The following ESS2 variants were observed in gnomAD, a reference collection of about 807,000 sequenced individuals.
ESS2 encodes the protein ess-2 spliceosome associated protein, also known as splicing factor ESS-2 homolog.
Under a neutral mutation model 52.0 loss-of-function variants are expected in ESS2, and 31 were observed. The observed-to-expected ratio is 0.60, with a 90% CI of 0.45 to 0.81. ESS2 has a LOEUF of 0.81. Among genes scored for constraint, ESS2 ranks in the 30% least tolerant of loss-of-function variants. The pLI is 0.00. For missense variants in ESS2, 602 were observed against 637.2 expected, an observed-to-expected ratio of 0.94 and a Z score of 0.59; for synonymous variants, 285 against 259.2, an observed-to-expected ratio of 1.10 and a Z score of -0.95.
In ESS2 at chr22:19,132,284, T is replaced by C; in HGVS notation, c.*1912A>G. 6.2e-7 allele frequency: 1 copy of C among 1,613,422 alleles called. No homozygotes were observed. Among genetic ancestry groups the C allele is most frequent in the Non-Finnish European group, 8.5e-7 (1 of 1,179,932 alleles). On this transcript the variant is annotated 3_prime_UTR_variant, in exon 10 of 10. Transcript: ENST00000252137. This position sits in a 1 kb window ranked among gnomAD's most constrained non-coding sequence, Gnocchi z 4.2. ...GGGAGGGGGAGGGCAAGTACCGCGC[T>C]GAGTGCAAACTGGACACCAAGACAG...
At chr22:19,137,852 C>T in intron 7 of ESS2, 1 of 985,430 alleles carries the variant, frequency 1.0e-6, no homozygotes, top group Non-Finnish European at 1.2e-6. Context: ...GCCACAAGAC[C>T]ACCTGAGTTT....
rs2083657352 is a variant in ESS2 at position 19,140,001 on chromosome 22, T to C, written c.424A>G (p.Lys142Glu). The C allele has an allele frequency of 1.9e-6, 3 of 1,613,666 alleles. No individual in the cohort carries two copies. The highest frequency in any genetic ancestry group is 1.3e-5 in the African/African-American group (1 of 74,912). ...EDGEAGEEEE[K>E]EPLPSLDVFL... ...ACATCTAGGCTGGGCAGCGGCTCCT[T>C]CTCCTCCTCCTCTCCAGCCTCTCCT... The change falls in exon 4 of 10, where the codon AAG becomes GAG. Residue 142 changes from lysine to glutamate, a missense_variant. By Grantham distance (56) the Lys-to-Glu change is moderately conservative (BLOSUM62 1). Coordinates refer to ENST00000252137, the MANE Select transcript of ESS2 (RefSeq NM_022719.3).
In ESS2 at chr22:19,142,609, G is replaced by C. The variant is rs764603196; in HGVS notation, c.329C>G (p.Thr110Ser). The change falls in exon 3 of 10, where the codon ACC becomes AGC. Residue 110 changes from threonine (T) to serine (S), a missense_variant. Coordinates refer to ENST00000252137, the MANE Select transcript of ESS2 (RefSeq NM_022719.3). ...PPYVTPATFE[T>S]PEVHAGTGVV... ...TCCAGTGCCTGCATGCACCTCAGGG[G>C]TTTCAAATGTGGCTGGAGTCACATC... 5 of 1,613,718 alleles carry C rather than the reference G, an allele frequency of 3.1e-6. No homozygotes were observed. In the South Asian group the frequency reaches 5.5e-5, roughly 18 times the overall value.
chr22:19,138,379 T>C, intron 6 of ESS2, 62 bp from the exon 7 acceptor site: 1 of 1,472,748 alleles, frequency 6.8e-7, no homozygotes, highest in Non-Finnish European at 9.4e-7. Context: ...AGCTGGCCGG[T>C]GGGCAAACAC....
At chr22:19,135,370 A>G (rs1049631530) in intron 8 of ESS2, among the ~76,000 whole-genome samples, 195 bp from the exon 9 acceptor site, 1 of 152,068 alleles carries the variant, frequency 6.6e-6, no homozygotes, top group Non-Finnish European at 1.5e-5. Context: ...AGCACTCCTC[A>G]CCTGTCTTCG....
At chr22:19,138,170 G>A (rs1391400153) in intron 7 of ESS2, 45 bp downstream of exon 7, 2 of 1,611,416 alleles carry the variant, frequency 1.2e-6, no homozygotes, top group Middle Eastern at 3.5e-4. Flanking sequence ...CCTCCCCCAG[G>A]GAGTCCCAGC....
chr22:19,131,431 G>A lies in ESS2; in HGVS notation c.*2765C>T. The A allele has an allele frequency of 6.2e-7, 1 of 1,613,022 alleles. No individual in the cohort carries two copies. Among genetic ancestry groups the A allele is most frequent in the Non-Finnish European group, 8.5e-7 (1 of 1,179,370 alleles). The stretch of plus-strand genomic sequence containing the variant: ...GATGCCACAGTCCTAAGGAAGAAGG[G>A]TTACATCGTAGGCATCAATCTTGGC... On this transcript the variant is annotated 3_prime_UTR_variant, in exon 10 of 10. Transcript: ENST00000252137. This position sits in a 1 kb window ranked among gnomAD's most constrained non-coding sequence, Gnocchi z 5.7.
chr22:19,144,217 C>T, intron 1 of ESS2: 1 of 1,187,502 alleles, frequency 8.4e-7, no homozygotes, highest in South Asian at 2.9e-5. Context: ...TGCCACCATC[C>T]TTCCAGTTTG....
chr22:19,143,202 C>CAAAAAAAA (rs10632625), intron 1 of ESS2, among the ~76,000 whole-genome samples: 14 of 112,846 alleles, frequency 1.2e-4, no homozygotes, highest in East Asian at 2.4e-4. Context: ...GAGACCGTCT[C>CAAAAAAAA]AAAAAAAAAA....
In ESS2 at chr22:19,131,381, G is replaced by C. The variant is rs367612676; in HGVS notation, c.*2815C>G. 1 of 1,566,840 alleles carries C rather than the reference G, an allele frequency of 6.4e-7. No homozygotes were observed. Reference sequence around the variant, plus strand: ...ACGGGGGGATGTAGACGGCAGCGGCGCCAGTCGCTCCTGGCACCATGGACG... The same window carrying C: ...ACGGGGGGATGTAGACGGCAGCGGCCCCAGTCGCTCCTGGCACCATGGACG... On this transcript the variant is annotated 3_prime_UTR_variant, in exon 10 of 10. Transcript: ENST00000252137. This position sits in a 1 kb window ranked among gnomAD's most constrained non-coding sequence, Gnocchi z 5.7.
Position 19,132,181 on chromosome 22 carries a change from TCCACATCGATGAGATCCTCAG to T in ESS2, c.*1994_*2014del. 1 of 1,612,936 alleles carries T rather than the reference TCCACATCGATGAGATCCTCAG, an allele frequency of 6.2e-7. No individual in the cohort carries two copies. The highest frequency in any genetic ancestry group is 1.1e-5 in the South Asian group (1 of 91,058). ...CTGCAGCCCGACGTCAGCCAGCGGC[TCCACATCGATGAGATCCTCAG>T]CCACTCGTGGCTGCAGCCCCCCAAG... On this transcript the variant is annotated 3_prime_UTR_variant, in exon 10 of 10. Transcript: ENST00000252137. The surrounding 1 kb of genome is among the most constrained non-coding windows in gnomAD (Gnocchi z 4.2).
At position 19,137,399 on chromosome 22, in the gene ESS2, T is replaced by C. The variant is rs1179182223; in HGVS notation, c.959A>G (p.Glu320Gly). 3 of 1,612,072 alleles carry C rather than the reference T, an allele frequency of 1.9e-6. No homozygotes were observed. Among genetic ancestry groups the C allele is most frequent in the East Asian group, 2.2e-5 (1 of 44,706 alleles). Residue 320 changes from glutamate to glycine, a missense_variant, in exon 8 of 10, where the codon GAG (glutamate) becomes GGG (glycine). Transcript: ENST00000252137. Reference protein sequence around the residue: ...VNESPMMTWGEVENTPLRVEG... With the variant: ...VNESPMMTWGGVENTPLRVEG... ...AACTCTCAAGGGTGTGTTCTCAACCTCCCCCCAGGTCATCATCGGGGACTC... is the reference window on the plus strand; with the variant it reads ...AACTCTCAAGGGTGTGTTCTCAACCCCCCCCCAGGTCATCATCGGGGACTC...
chr22:19,131,413 C>T lies in ESS2; in HGVS notation c.*2783G>A, dbSNP rs2083505018. On this transcript the variant is annotated 3_prime_UTR_variant, in exon 10 of 10. Transcript: ENST00000252137. The surrounding 1 kb of genome is among the most constrained non-coding windows in gnomAD (Gnocchi z 5.7). Reference sequence around the variant, plus strand: ...GCTCCTGGCACCATGGACGATGCCACAGTCCTAAGGAAGAAGGGTTACATC... The same window carrying T: ...GCTCCTGGCACCATGGACGATGCCATAGTCCTAAGGAAGAAGGGTTACATC... The T allele has an allele frequency of 6.2e-7, 1 of 1,602,790 alleles. No individual in the cohort carries two copies. Among genetic ancestry groups the T allele is most frequent in the Non-Finnish European group, 8.5e-7 (1 of 1,173,082 alleles).
rs1468552242 is a variant in ESS2, at chr22:19,134,330, T to C, written c.1297A>G (p.Ser433Gly). 9.9e-6 allele frequency: 16 copies of C among 1,610,832 alleles called. No homozygotes were observed. The highest frequency in any genetic ancestry group is 3.3e-4 in the Middle Eastern group (2 of 6,020). ...GTGCTTGTGGGGGTCTGCAGCCCAC[T>C]GGCCGGGGTCTTGAGGTGGGTGGAG... ...ARSTHLKTPA[S>G]GLQTPTSTPA... Residue 433 changes from serine to glycine, a missense_variant, in exon 10 of 10, where the codon AGT becomes GGT. By Grantham distance (56) the Ser-to-Gly change is moderately conservative. Coordinates refer to ENST00000252137, the MANE Select transcript of ESS2 (RefSeq NM_022719.3).
Position 19,134,063 on chromosome 22 carries a change from C to T in ESS2, c.*133G>A. ...AGTCTGGCCCCAGCACAGCCCCTTT[C>T]TCCAGTGACTCCTGGTATGGTCAAC... On this transcript the variant is annotated 3_prime_UTR_variant, in exon 10 of 10. Transcript: ENST00000252137. The T allele has an allele frequency of 1.8e-6, 2 of 1,130,694 alleles. No individual in the cohort carries two copies. Among genetic ancestry groups the T allele is most frequent in the Admixed American group, 3.9e-5 (1 of 25,634 alleles). 70.0% of individuals were successfully genotyped at this position (1,130,694 alleles called of 1,614,324 possible). A position where few individuals can be genotyped will look rare whatever the true frequency, so the allele number is the denominator to read the frequency against.
At position 19,134,199 on chromosome 22, in the gene ESS2, A is replaced by G; in HGVS notation, c.1428T>C (p.Phe476=). Residue 476 remains phenylalanine, a synonymous_variant, in exon 10 of 10, where the codon TTT becomes TTC. Transcript: ENST00000252137. Reference sequence around the variant, plus strand: ...TGAGCCCAGCCCAGGCCTGGCTCTAAAAGAAGTCCGAAGCTTTGCGCCGGG... The same window carrying G: ...TGAGCCCAGCCCAGGCCTGGCTCTAGAAGAAGTCCGAAGCTTTGCGCCGGG... ...LPARRKASDF[F] is the part of the protein sequence containing the mutation. The G allele has an allele frequency of 1.3e-6, 2 of 1,507,978 alleles. No homozygotes were observed. The highest frequency in any genetic ancestry group is 8.9e-7 in the Non-Finnish European group (1 of 1,126,804). The allele number at this position is 1,507,978 out of a possible 1,614,324, so 93.4% of individuals were successfully genotyped here.
In ESS2 at chr22:19,131,742, A is replaced by G. The variant is rs2083509748; in HGVS notation, c.*2454T>C. 6 of 1,613,984 alleles carry G rather than the reference A, an allele frequency of 3.7e-6. No individual in the cohort carries two copies. Among genetic ancestry groups the G allele is most frequent in the Non-Finnish European group, 5.1e-6 (6 of 1,179,954 alleles). ...AGCCCTGCATGAGGACGTGGCACGC[A>G]AGATGTTCCGACAGCTCTCCTCCGC... On this transcript the variant is annotated 3_prime_UTR_variant, in exon 10 of 10. Transcript: ENST00000252137. The surrounding 1 kb of genome is among the most constrained non-coding windows in gnomAD (Gnocchi z 5.7).
At chr22:19,136,031 TAAAAAAAAA>T (rs377121962) in intron 8 of ESS2, among the ~76,000 whole-genome samples, 2 of 92,544 alleles carry the variant, frequency 2.2e-5, no homozygotes, top group Admixed American at 1.3e-4. Context: ...CCCTATCTGT[TAAAAAAAAA>T]AAAAAAAAAA....
intron 1 of ESS2, chr22:19,144,240 TCACA>T: frequency 8.0e-7 from 1 of 1,248,786 alleles, no homozygotes; most frequent in Non-Finnish European, 1.0e-6. Context: ...AAACTCCTAC[TCACA>T]CTTTAACAGA....
Sources: gnomAD v4.1 joint callset for allele counts (sites outside exome capture counted in the v4.1 genomes callset) on GRCh38, gnomAD v4.1.1 for gene constraint, Gnocchi (gnomAD v3.1) non-coding constraint, MANE v1.5 for transcripts, NCBI Gene and HGNC (gene_info 2026-07-23, HGNC 2026-07-21) for gene names.